The following GSTCD variants were observed in gnomAD, a reference collection of about 807,000 sequenced individuals.
GSTCD encodes glutathione S-transferase C-terminal domain-containing protein.
In GSTCD, 44 loss-of-function variants were observed where a neutral mutation model predicts 68.3. The ratio of observed to expected loss-of-function variants is 0.64; its 90% confidence interval spans 0.51 to 0.83. The LOEUF (loss-of-function observed/expected upper bound fraction) is 0.83. Ranked by LOEUF, GSTCD falls within the 40% of genes least tolerant of loss-of-function variation. The probability of loss-of-function intolerance (pLI) is 0.00; values close to 1 mark genes in which losing one functional copy is unlikely to be tolerated. For synonymous variants in GSTCD, 273 were observed against 255.2 expected (o/e 1.07, Z -0.67); for missense variants, 739 against 735.9 (o/e 1.00, Z -0.05).
chr4:105,784,822 A>G (rs1321619929), intron 5 of GSTCD, among the ~76,000 whole-genome samples: 1 of 152,178 alleles, frequency 6.6e-6, no homozygotes, highest in Non-Finnish European at 1.5e-5. Context: ...ACATTTGGCC[A>G]GTAAAAGCCC....
intron 5 of GSTCD, among the ~76,000 whole-genome samples, chr4:105,799,739 CA>C (rs989652668): frequency 3.4e-5 from 5 of 148,046 alleles, no homozygotes; most frequent in Admixed American, 2.7e-4. Context: ...TGAGAATTAC[CA>C]AAATGTGACA....
At chr4:105,750,920 A>G (rs1237036375) in intron 5 of GSTCD, among the ~76,000 whole-genome samples, 1 of 152,248 alleles carries the variant, frequency 6.6e-6, no homozygotes, top group African/African-American at 2.4e-5. Context: ...TTGCCTTTAT[A>G]TAACATTATC....
intron 5 of GSTCD, among the ~76,000 whole-genome samples, chr4:105,779,378 A>T (rs1735193463): frequency 1.3e-5 from 2 of 152,232 alleles, no homozygotes; most frequent in Admixed American, 1.3e-4. Flanking sequence ...TCAGTGCATC[A>T]TGTCAGGAGG....
chr4:105,737,271 C>A lies in GSTCD; in HGVS notation c.1240+7772C>A, dbSNP rs542307646. 2.6e-4 allele frequency among the ~76,000 whole-genome samples: 40 copies of A among 152,192 alleles called. 2 individuals are homozygous for A. The South Asian group carries it at 8.3e-3, about 32-fold the overall frequency. ...TATTTTTTGACTTTTTAATAATAGA[C>A]GTTCTAACTGGGATGAGAAGATATT... On this transcript the variant is annotated intron_variant, in intron 5 of 11. Transcript: ENST00000515279.
In GSTCD at chr4:105,734,748, G is replaced by C. The variant is rs1002387842; in HGVS notation, c.1240+5249G>C. On this transcript the variant is annotated intron_variant, in intron 5 of 11. Coordinates refer to ENST00000515279, the MANE Select transcript of GSTCD (RefSeq NM_001370181.1). ...GGAGCTGCATTCCTTTGGAGGGGGA[G>C]AGGTGCTCTGATTTTTAGAATTTTC... 1.3e-5 allele frequency among the ~76,000 whole-genome samples: 2 copies of C among 152,230 alleles called. 1 individual carries two copies. Among genetic ancestry groups the C allele is most frequent in the South Asian group, 4.1e-4 (2 of 4,828 alleles).
At chr4:105,714,588 T>G (rs1434407446) in intron 1 of GSTCD, among the ~76,000 whole-genome samples, 1 of 151,932 alleles carries the variant, frequency 6.6e-6, no homozygotes, top group Non-Finnish European at 1.5e-5. Flanking sequence ...AATATTTATT[T>G]TAAAAATTAT....
intron 5 of GSTCD, among the ~76,000 whole-genome samples, chr4:105,818,681 G>C (rs1274470087): frequency 6.6e-6 from 1 of 151,762 alleles, no homozygotes; most frequent in Admixed American, 6.6e-5. Context: ...AGCATGCTCA[G>C]TGATTAGCTA....
intron 5 of GSTCD, among the ~76,000 whole-genome samples, chr4:105,756,052 G>T (rs989758661): frequency 6.6e-6 from 1 of 152,200 alleles, no homozygotes; most frequent in South Asian, 2.1e-4. Flanking sequence ...TACATTTACT[G>T]GTTTATTAAT....
At chr4:105,822,159 A>T (rs1176085422) in intron 5 of GSTCD, among the ~76,000 whole-genome samples, 1 of 152,044 alleles carries the variant, frequency 6.6e-6, no homozygotes, top group African/African-American at 2.4e-5. Flanking sequence ...AAATAATTTC[A>T]TTCATTCTTC....
intron 4 of GSTCD, among the ~76,000 whole-genome samples, 163 bp from the exon 5 acceptor site, chr4:105,729,243 T>A (rs1356658350): frequency 6.6e-6 from 1 of 152,136 alleles, no homozygotes; most frequent in East Asian, 1.9e-4. Flanking sequence ...ACTCAACACA[T>A]GGTATTTTTA....
At chr4:105,746,163 C>T (rs2149223007) in intron 5 of GSTCD, 1 of 152,066 alleles carries the variant, frequency 6.6e-6, no homozygotes, top group Non-Finnish European at 1.5e-5. Context: ...TCACCAATAA[C>T]CTAAACAGTT....
chr4:105,721,248 T>G (rs1348090508), intron 3 of GSTCD, among the ~76,000 whole-genome samples: 1 of 152,146 alleles, frequency 6.6e-6, no homozygotes, highest in African/African-American at 2.4e-5. Flanking sequence ...TCATCCTTCT[T>G]TGATAAACCC....
intron 5 of GSTCD, among the ~76,000 whole-genome samples, chr4:105,772,192 T>A (rs1734876418): frequency 6.6e-6 from 1 of 152,192 alleles, no homozygotes; most frequent in African/African-American, 2.4e-5. Flanking sequence ...TAGCAATGCT[T>A]GTGATTTTTG....
chr4:105,728,945 A>G (rs1208476674), intron 4 of GSTCD, among the ~76,000 whole-genome samples: 2 of 152,182 alleles, frequency 1.3e-5, no homozygotes, highest in Non-Finnish European at 2.9e-5. Context: ...AAAGACTAGT[A>G]TGAGTGGTAT....
chr4:105,807,657 T>C (rs571712559), intron 5 of GSTCD, among the ~76,000 whole-genome samples: 7 of 152,208 alleles, frequency 4.6e-5, no homozygotes, highest in African/African-American at 1.7e-4. Flanking sequence ...GACTCAAATA[T>C]TTTGGCCAGC....
intron 5 of GSTCD, among the ~76,000 whole-genome samples, chr4:105,789,171 A>C (rs1234445459): frequency 6.6e-6 from 1 of 152,120 alleles, no homozygotes; most frequent in African/African-American, 2.4e-5. Context: ...TGAATGTTGG[A>C]GTTAGAAAGG....
chr4:105,754,249 T>G (rs1734105338), intron 5 of GSTCD, among the ~76,000 whole-genome samples: 1 of 152,154 alleles, frequency 6.6e-6, no homozygotes, highest in Non-Finnish European at 1.5e-5. Flanking sequence ...GGAAATTTCC[T>G]TAATAGCTAT....
At chr4:105,791,544 A>G (rs951487372) in intron 5 of GSTCD, among the ~76,000 whole-genome samples, 2 of 152,112 alleles carry the variant, frequency 1.3e-5, no homozygotes, top group Non-Finnish European at 2.9e-5. Flanking sequence ...TTTCAGAGAA[A>G]TGTGCCTCCA....
intron 1 of GSTCD, among the ~76,000 whole-genome samples, chr4:105,716,027 T>C (rs530885430): frequency 1.3e-5 from 2 of 152,288 alleles, no homozygotes; most frequent in African/African-American, 4.8e-5. Context: ...ACCTCAAGAC[T>C]GTGTGTGTTT....
Sources: allele counts gnomAD v4.1 joint callset (sites outside exome capture counted in the v4.1 genomes callset), GRCh38; gene constraint gnomAD v4.1.1; transcripts MANE v1.5; gene names NCBI Gene and HGNC (gene_info 2026-07-23, HGNC 2026-07-21).